Variants in ERCC2 observed in about 807,000 individuals in gnomAD.
ERCC2 encodes the protein general transcription and DNA repair factor IIH helicase subunit XPD.
ERCC2 carries 90 observed loss-of-function variants against 99.4 expected under a neutral mutation model. The ratio of observed to expected loss-of-function variants is 0.91; its 90% CI spans 0.76 to 1.08. The LOEUF is 1.08. Among genes scored for constraint, ERCC2 ranks in the 50% least tolerant of loss-of-function variants. ERCC2 has a pLI of 0.00. For synonymous variants in ERCC2, 497 were observed against 432.4 expected (o/e 1.15, Z -1.85); for missense variants, 993 against 1,038.1 (o/e 0.96, Z 0.60).
chr19:45,370,508 C>T, intron 1 of ERCC2, 28 bp downstream of exon 1: 2 of 1,579,558 alleles, frequency 1.3e-6, no homozygotes, highest in Non-Finnish European at 8.6e-7. Context: ...CGCCCGCTAG[C>T]GAGCGCGACC....
chr19:45,353,627 C>T (rs1019404236), intron 17 of ERCC2, among the ~76,000 whole-genome samples: 2 of 152,180 alleles, frequency 1.3e-5, no homozygotes, highest in African/African-American at 2.4e-5. Flanking sequence ...GTGAGGCAGG[C>T]AGAGCCAATC....
At chr19:45,370,500 C>T in intron 1 of ERCC2, 36 bp downstream of exon 1, 2 of 1,575,172 alleles carry the variant, frequency 1.3e-6, no homozygotes, top group Non-Finnish European at 1.7e-6. Flanking sequence ...ACCCCCCGCG[C>T]CCGCTAGCGA....
At chr19:45,364,700 G>C in intron 7 of ERCC2, 138 bp downstream of exon 7, 1 of 1,301,876 alleles carries the variant, frequency 7.7e-7, no homozygotes, top group African/African-American at 1.5e-5. Context: ...CAGACCAACA[G>C]ATACGGGCAC....
intron 11 of ERCC2, among the ~76,000 whole-genome samples, chr19:45,363,316 G>A (rs1972291125): frequency 6.6e-6 from 1 of 152,144 alleles, no homozygotes; most frequent in Admixed American, 6.5e-5. Flanking sequence ...CAGCCTGCGA[G>A]GCCCTGGTAC....
intron 11 of ERCC2, chr19:45,361,990 G>T: frequency 3.3e-6 from 1 of 302,220 alleles, no homozygotes; most frequent in Non-Finnish European, 6.5e-6. Flanking sequence ...AGGCTGGAGA[G>T]CACTGGTACC....
rs774036147 is a variant in ERCC2, at chr19:45,350,944, C to CTCTT, written c.*681_*684dup. 4 of 1,613,946 alleles carry CTCTT rather than the reference C, an allele frequency of 2.5e-6. No individual in the cohort carries two copies. In the East Asian group the frequency reaches 8.9e-5, roughly 36 times the overall value. ...ATTCACTCATTTCCTCCCTGCTGCC[C>CTCTT]TCTTTGCAGAATGAAGAGAGCCATG... is the stretch of plus-strand genomic sequence containing the variant. On this transcript the variant is annotated 3_prime_UTR_variant, in exon 23 of 23. Transcript: ENST00000391945.
intron 5 of ERCC2, among the ~76,000 whole-genome samples, chr19:45,367,833 A>G (rs1972481804): frequency 6.6e-6 from 1 of 151,874 alleles, no homozygotes; most frequent in Admixed American, 6.6e-5. Flanking sequence ...ATTTTATAGC[A>G]TAATTTAATG....
chr19:45,352,806 G>C lies in ERCC2; in HGVS notation c.1842C>G (p.Tyr614Ter). 2 of 1,613,652 alleles carry C rather than the reference G, an allele frequency of 1.2e-6. No homozygotes were observed. Among genetic ancestry groups the C allele is most frequent in the Non-Finnish European group, 1.7e-6 (2 of 1,179,798 alleles). ...VSEGIDFVHH[Y>*]GRAVIMFGVP... ...CGCCAAACATGATGACGGCCCGCCC[G>C]TAGTGGTGCACTGGTGGGCAGAGGA... Residue 614 changes from tyrosine (Y) to a stop codon, truncating the protein, a stop_gained, in exon 20 of 23, where the codon TAC becomes TAG. Transcript: ENST00000391945. LOFTEE classifies it high-confidence loss of function.
At chr19:45,359,914 A>G (rs1972152346) in intron 12 of ERCC2, among the ~76,000 whole-genome samples, 2 of 151,618 alleles carry the variant, frequency 1.3e-5, no homozygotes, top group African/African-American at 4.9e-5. Context: ...AGTTGGAACT[A>G]TAGGTGCGTG....
chr19:45,369,051 G>A lies in ERCC2; in HGVS notation c.183+19C>T, dbSNP rs1972521588. ...GCCCCTTCCTTTGTCTGCCTTTACG[G>A]GTTCAGCGCATCACTCACTCTCTGG... On this transcript the variant is annotated intron_variant, in intron 3 of 22. Coordinates refer to ENST00000391945, the MANE Select transcript of ERCC2 (RefSeq NM_000400.4). 2.5e-6 allele frequency: 4 copies of A among 1,613,958 alleles called. No homozygotes were observed. Among genetic ancestry groups the A allele is most frequent in the South Asian group, 1.1e-5 (1 of 91,080 alleles).
chr19:45,361,434 G>T, intron 12 of ERCC2, 90 bp downstream of exon 12: 1 of 931,210 alleles, frequency 1.1e-6, no homozygotes, highest in Non-Finnish European at 1.8e-6. Context: ...ACAAAGCCCT[G>T]TGTGTCCTGC....
In ERCC2 at chr19:45,365,784, C is replaced by T. The variant is rs552659379; in HGVS notation, c.361-626G>A. On this transcript the variant is annotated intron_variant, in intron 5 of 22. Coordinates refer to ENST00000391945, the MANE Select transcript of ERCC2 (RefSeq NM_000400.4). ...CCACCCTGGGCCACGGAGCCAGACT[C>T]CCTCTCAAAAAAAAAAAGAGTAGCA... is the stretch of plus-strand genomic sequence containing the variant. Among the ~76,000 whole-genome samples, 26 of 88,908 alleles carry T rather than the reference C, an allele frequency of 2.9e-4. No individual in the cohort carries two copies. The East Asian group carries it at 6.4e-3, about 22-fold the overall frequency. 58.3% of individuals were successfully genotyped at this position (88,908 alleles called of 152,430 possible).
At chr19:45,356,446 C>T (rs1247019117) in intron 15 of ERCC2, among the ~76,000 whole-genome samples, 5 of 152,192 alleles carry the variant, frequency 3.3e-5, no homozygotes, top group Non-Finnish European at 7.4e-5. Flanking sequence ...GGGAGCTGCC[C>T]AGACCCCACT....
At chr19:45,353,409 C>T in intron 17 of ERCC2, 75 bp from the exon 18 acceptor site, 1 of 948,850 alleles carries the variant, frequency 1.1e-6, no homozygotes, top group East Asian at 2.6e-5. Flanking sequence ...CTTCTGGGGA[C>T]TCCCACATCA....
chr19:45,358,968 T>TG (rs1354793754), intron 12 of ERCC2: 1 of 726,160 alleles, frequency 1.4e-6, no homozygotes, highest in African/African-American at 1.7e-5. Context: ...TTTCACACAG[T>TG]GAAAAAAAAT....
rs1411310486 is a variant in ERCC2 at position 45,357,884 on chromosome 19, A to C, written c.1238-185T>G. 4 of 649,732 alleles carry C rather than the reference A, an allele frequency of 6.2e-6. No individual in the cohort carries two copies. In the African/African-American group the frequency reaches 7.1e-5, roughly 12 times the overall value. The allele number at this position is 649,732 out of a possible 1,614,324, so 40.2% of individuals were successfully genotyped here. A position where few individuals can be genotyped will look rare whatever the true frequency, so the allele number is the denominator to read the frequency against. Reference sequence around the variant, plus strand: ...GGCATCTGAGTCCAAAATACACCCCAACCTGTCCGCTTCGGGCCCACACCT... The same window carrying C: ...GGCATCTGAGTCCAAAATACACCCCCACCTGTCCGCTTCGGGCCCACACCT... On this transcript the variant is annotated intron_variant, in intron 12 of 22. Coordinates refer to ENST00000391945, the MANE Select transcript of ERCC2 (RefSeq NM_000400.4).
chr19:45,362,725 G>C (rs1972268439), intron 11 of ERCC2, among the ~76,000 whole-genome samples: 1 of 152,246 alleles, frequency 6.6e-6, no homozygotes, highest in Non-Finnish European at 1.5e-5. Flanking sequence ...TTGAGTGACT[G>C]AGATCCCCTC....
At chr19:45,351,806 A>C (rs1216966354) in intron 22 of ERCC2, 85 bp from the exon 23 acceptor site, 1 of 1,155,798 alleles carries the variant, frequency 8.7e-7, no homozygotes, top group Non-Finnish European at 1.3e-6. Context: ...CACCCCCCCG[A>C]ATGGCCAGTA....
At chr19:45,358,501 C>G (rs1188481377) in intron 12 of ERCC2, 2 of 335,280 alleles carry the variant, frequency 6.0e-6, no homozygotes, top group Admixed American at 8.7e-5. Context: ...ACCTGAGTCC[C>G]TGAGTCCAGC....
Sources: allele counts gnomAD v4.1 joint callset (sites outside exome capture counted in the v4.1 genomes callset), GRCh38; gene constraint gnomAD v4.1.1; transcripts MANE v1.5; gene names NCBI Gene and HGNC (gene_info 2026-07-23, HGNC 2026-07-21).